CCDC102B: variants seen among roughly 807,000 people sequenced by gnomAD.
CCDC102B encodes the protein coiled-coil domain containing 102B, also known as coiled-coil domain-containing protein 102B.
A neutral mutation model predicts 57.4 loss-of-function variants in CCDC102B; 75 were observed. The observed-to-expected ratio is 1.31, with a 90% CI of 1.08 to 1.58. The LOEUF is 1.58. CCDC102B is among the 40% of genes most tolerant of loss of function. The probability of loss-of-function intolerance (pLI) is 0.00; values close to 1 mark genes in which losing one functional copy is unlikely to be tolerated. For synonymous variants in CCDC102B, 206 were observed against 201.9 expected, an observed-to-expected ratio of 1.02 and a Z score of -0.17; for missense variants, 636 against 582.6, an observed-to-expected ratio of 1.09 and a Z score of -0.94.
chr18:69,034,105 T>C (rs1446824998), intron 7 of CCDC102B, among the ~76,000 whole-genome samples: 1 of 152,058 alleles, frequency 6.6e-6, no homozygotes, highest in Admixed American at 6.6e-5. Context: ...AAGTCCCTTC[T>C]CAGATATACA....
chr18:68,969,400 C>A (rs910363373), intron 6 of CCDC102B, among the ~76,000 whole-genome samples: 18 of 151,870 alleles, frequency 1.2e-4, no homozygotes, highest in Admixed American at 1.1e-3. Context: ...GAAGGTTTTG[C>A]GGTTGAAATT....
intron 1 of CCDC102B, among the ~76,000 whole-genome samples, chr18:68,826,417 T>C (rs1424790259): frequency 6.6e-6 from 1 of 152,172 alleles, no homozygotes; most frequent in East Asian, 1.9e-4. Context: ...GGCTCTTGGG[T>C]TCATCAGTGA....
At chr18:68,723,733 C>T (rs1198174797) in intron 2 of CCDC102B, among the ~76,000 whole-genome samples, 1 of 152,220 alleles carries the variant, frequency 6.6e-6, no homozygotes, top group African/African-American at 2.4e-5. Context: ...TACAGCCCCA[C>T]TCCTGGCTGC....
At chr18:68,970,218 A>G (rs143436462) in intron 6 of CCDC102B, among the ~76,000 whole-genome samples, 121 of 152,160 alleles carry the variant, frequency 8.0e-4, no homozygotes, top group Middle Eastern at 3.4e-3. Flanking sequence ...TTTAAAGCAC[A>G]CTTCTTTATC....
At chr18:68,869,415 T>A in intron 4 of CCDC102B, among the ~76,000 whole-genome samples, 1 of 151,862 alleles carries the variant, frequency 6.6e-6, no homozygotes, top group South Asian at 2.1e-4. Flanking sequence ...TGCCAAGGAG[T>A]CAAGTAAGGG....
chr18:68,849,236 T>G (rs1179278518), intron 4 of CCDC102B, among the ~76,000 whole-genome samples: 1 of 152,092 alleles, frequency 6.6e-6, no homozygotes, highest in Non-Finnish European at 1.5e-5. Flanking sequence ...TTAAAACATA[T>G]GGCATATAGG....
At chr18:68,891,130 A>G (rs2144995973) in intron 5 of CCDC102B, among the ~76,000 whole-genome samples, 1 of 152,226 alleles carries the variant, frequency 6.6e-6, no homozygotes, top group African/African-American at 2.4e-5. Context: ...TATTTGCTTT[A>G]TTTTAAAATA....
At chr18:68,745,654 C>A (rs1239385760) in intron 2 of CCDC102B, among the ~76,000 whole-genome samples, 1 of 152,064 alleles carries the variant, frequency 6.6e-6, no homozygotes, top group Admixed American at 6.6e-5. Context: ...ACTATAATCA[C>A]CCTACTGTGC....
chr18:68,855,781 C>T (rs2038355865), intron 4 of CCDC102B, among the ~76,000 whole-genome samples: 1 of 151,876 alleles, frequency 6.6e-6, no homozygotes, highest in South Asian at 2.1e-4. Flanking sequence ...TTTTTTCTGC[C>T]ACAACTCAAT....
At chr18:68,866,573 C>T (rs902305434) in intron 4 of CCDC102B, 1 of 226,336 alleles carries the variant, frequency 4.4e-6, no homozygotes, top group Non-Finnish European at 9.0e-6. Flanking sequence ...CCCAATTTAG[C>T]CCTCTGCTCT....
downstream of CCDC102B, among the ~76,000 whole-genome samples, chr18:69,055,716 C>T (rs147291514): frequency 6.6e-5 from 10 of 152,162 alleles, no homozygotes; most frequent in Non-Finnish European, 1.5e-4. Context: ...AGATCCTAAA[C>T]GCAAGTGGAA....
intron 6 of CCDC102B, among the ~76,000 whole-genome samples, chr18:68,932,490 A>G (rs2041709518): frequency 6.6e-6 from 1 of 152,006 alleles, no homozygotes; most frequent in East Asian, 1.9e-4. Flanking sequence ...GATCATAGAT[A>G]TTTAGACCAC....
intron 2 of CCDC102B, among the ~76,000 whole-genome samples, chr18:68,780,470 G>GTTT (rs35742450): frequency 7.2e-6 from 1 of 139,842 alleles, no homozygotes; most frequent in Non-Finnish European, 1.6e-5. Context: ...ATCAACACTT[G>GTTT]TTTTTTTTTT....
At chr18:69,003,086 C>T (rs970140028) in intron 6 of CCDC102B, among the ~76,000 whole-genome samples, 3 of 152,140 alleles carry the variant, frequency 2.0e-5, no homozygotes, top group Non-Finnish European at 2.9e-5. Context: ...CTCCCCCAGA[C>T]ATCTGTCTCA....
chr18:69,037,996 G>A (rs1176936687), intron 7 of CCDC102B, among the ~76,000 whole-genome samples: 1 of 151,860 alleles, frequency 6.6e-6, no homozygotes, highest in Non-Finnish European at 1.5e-5. Flanking sequence ...ATTTTTTATT[G>A]TAAATTTTAT....
chr18:68,746,224 C>T (rs185611316), intron 2 of CCDC102B, among the ~76,000 whole-genome samples: 15 of 152,204 alleles, frequency 9.9e-5, no homozygotes, highest in Admixed American at 5.2e-4. Context: ...TTCAAAAGAG[C>T]GAAACTTTGC....
intron 6 of CCDC102B, among the ~76,000 whole-genome samples, chr18:68,939,531 C>T (rs1322066273): frequency 6.6e-6 from 1 of 151,698 alleles, no homozygotes; most frequent in Non-Finnish European, 1.5e-5. Flanking sequence ...AATTAACCTA[C>T]TATCTTGACA....
chr18:68,752,569 G>A (rs772240296), intron 2 of CCDC102B, among the ~76,000 whole-genome samples: 16 of 149,868 alleles, frequency 1.1e-4, no homozygotes, highest in Non-Finnish European at 2.1e-4. Flanking sequence ...CCCTGCCTTC[G>A]TCCAATAGGT....
chr18:68,945,122 CCACACACA>C (rs34611934), intron 6 of CCDC102B, among the ~76,000 whole-genome samples: 11 of 143,940 alleles, frequency 7.6e-5, no homozygotes, highest in African/African-American at 2.3e-4. Flanking sequence ...CTCTCTCTCT[CCACACACA>C]CACACACACA....
Sources: allele counts gnomAD v4.1 joint callset (sites outside exome capture counted in the v4.1 genomes callset), GRCh38; gene constraint gnomAD v4.1.1; transcripts MANE v1.5; gene names NCBI Gene and HGNC (gene_info 2026-07-23, HGNC 2026-07-21).